The following ST6GALNAC3 variants were observed in gnomAD, a reference collection of about 807,000 sequenced individuals.
ST6GALNAC3 encodes ST6 N-acetylgalactosaminide alpha-2,6-sialyltransferase 3.
A neutral mutation model predicts 32.7 loss-of-function variants in ST6GALNAC3; 25 were observed. The ratio of observed to expected loss-of-function variants is 0.76; its 90% CI spans 0.56 to 1.07. ST6GALNAC3 has a LOEUF of 1.07. Among genes scored for constraint, ST6GALNAC3 ranks in the 50% least tolerant of loss-of-function variants. ST6GALNAC3 has a pLI of 0.00. For missense variants in ST6GALNAC3, 355 were observed against 382.4 expected (o/e 0.93, Z 0.60); for synonymous variants, 129 against 133.1 (o/e 0.97, Z 0.21).
At position 76,633,748 on chromosome 1, in the gene ST6GALNAC3, A is replaced by G. The variant is rs1649409259; in HGVS notation, c.*4942A>G. Reference sequence around the variant, plus strand: ...AGCCCAGATACCCTTCTAGAAGGTGAATGAAAGCCCCACATGTCCCGCAAG... The same window carrying G: ...AGCCCAGATACCCTTCTAGAAGGTGGATGAAAGCCCCACATGTCCCGCAAG... On this transcript the variant is annotated 3_prime_UTR_variant, in exon 5 of 5. Transcript: ENST00000328299. The G allele has an allele frequency of 6.6e-6, 1 of 152,188 alleles. No homozygotes were observed. Among genetic ancestry groups the G allele is most frequent in the African/African-American group, 2.4e-5 (1 of 41,432 alleles). 9.4% of individuals were successfully genotyped at this position (152,188 alleles called of 1,614,324 possible).
intron 3 of ST6GALNAC3, among the ~76,000 whole-genome samples, chr1:76,469,185 G>A (rs922071697): frequency 6.6e-6 from 1 of 152,046 alleles, no homozygotes; most frequent in Non-Finnish European, 1.5e-5. Context: ...ACACAAGACT[G>A]TTGTTGAAAG....
chr1:76,123,978 T>A (rs753036403), intron 1 of ST6GALNAC3, among the ~76,000 whole-genome samples: 1 of 152,090 alleles, frequency 6.6e-6, no homozygotes, highest in Non-Finnish European at 1.5e-5. Flanking sequence ...CTCCAACTCT[T>A]GACCTCAAGT....
At chr1:76,281,271 C>G (rs1659485509) in intron 1 of ST6GALNAC3, among the ~76,000 whole-genome samples, 2 of 152,042 alleles carry the variant, frequency 1.3e-5, no homozygotes, top group Admixed American at 1.3e-4. Flanking sequence ...CTTAGAAGGC[C>G]TGAGGAAAAA....
chr1:76,312,136 C>A (rs146699247), intron 1 of ST6GALNAC3, among the ~76,000 whole-genome samples: 1 of 149,940 alleles, frequency 6.7e-6, no homozygotes, highest in East Asian at 2.0e-4. Flanking sequence ...ACATCTACAA[C>A]CATCTGACCT....
At chr1:76,557,013 A>C (rs1281572197) in intron 3 of ST6GALNAC3, among the ~76,000 whole-genome samples, 2 of 152,018 alleles carry the variant, frequency 1.3e-5, no homozygotes, top group Admixed American at 6.6e-5. Flanking sequence ...TCTTATGCTT[A>C]GGTCTATTAT....
In ST6GALNAC3 at chr1:76,628,898, T is replaced by G. The variant is rs1213361023; in HGVS notation, c.*92T>G. The G allele has an allele frequency of 6.4e-7, 1 of 1,562,000 alleles. No homozygotes were observed. ...ATGCTAATGGAGATGATGGTAATGA[T>G]AAAGACAACAACAATGATTATCAAG... On this transcript the variant is annotated 3_prime_UTR_variant, in exon 5 of 5. Transcript: ENST00000328299.
chr1:76,521,962 G>A (rs897706364), intron 3 of ST6GALNAC3, among the ~76,000 whole-genome samples: 5 of 151,848 alleles, frequency 3.3e-5, no homozygotes, highest in African/African-American at 7.3e-5. Context: ...CCAGCTACTC[G>A]GGAGGCTGAG....
intron 1 of ST6GALNAC3, among the ~76,000 whole-genome samples, chr1:76,107,809 C>A (rs747446455): frequency 6.6e-6 from 1 of 152,132 alleles, no homozygotes; most frequent in Non-Finnish European, 1.5e-5. Flanking sequence ...TTTTTTCTGT[C>A]CTCTCCCTCT....
downstream of ST6GALNAC3, among the ~76,000 whole-genome samples, chr1:76,635,041 TTGG>T (rs1428347258): frequency 1.3e-5 from 2 of 152,222 alleles, no homozygotes; most frequent in East Asian, 3.9e-4. Flanking sequence ...AGAGAAAATG[TTGG>T]TCTGCCTCTG....
rs1034666246 is a variant in ST6GALNAC3, at chr1:76,509,054, A to AT, written c.623+96642dup. Among the ~76,000 whole-genome samples, 2 of 152,158 alleles carry AT rather than the reference A, an allele frequency of 1.3e-5. No homozygotes were observed. The highest frequency in any genetic ancestry group is 4.8e-5 in the African/African-American group (2 of 41,436). On this transcript the variant is annotated intron_variant, in intron 3 of 4. Transcript: ENST00000328299. This position sits in a 1 kb window ranked among gnomAD's most constrained non-coding sequence, Gnocchi z 5.5. ...GAGTCTAAGAGTTGAACAGCTTGTC[A>AT]TTTTTCAACTCGTCGATAAATGGGA...
intron 3 of ST6GALNAC3, among the ~76,000 whole-genome samples, chr1:76,591,296 C>G (rs2100586225): frequency 6.6e-6 from 1 of 152,098 alleles, no homozygotes; most frequent in South Asian, 2.1e-4. Context: ...AATTCACCAC[C>G]CTGAGGCAAC....
At chr1:76,281,661 C>G (rs1005362506) in intron 1 of ST6GALNAC3, among the ~76,000 whole-genome samples, 1 of 152,204 alleles carries the variant, frequency 6.6e-6, no homozygotes, top group Non-Finnish European at 1.5e-5. Context: ...ATAATGACTA[C>G]AAACTGGCTG....
intron 2 of ST6GALNAC3, among the ~76,000 whole-genome samples, chr1:76,318,192 A>T (rs1394388094): frequency 1.3e-5 from 2 of 152,152 alleles, no homozygotes; most frequent in Non-Finnish European, 2.9e-5. Flanking sequence ...GATCCATAAA[A>T]AAGAGCATGT....
intron 1 of ST6GALNAC3, among the ~76,000 whole-genome samples, chr1:76,177,787 T>C (rs1281053064): frequency 1.3e-5 from 2 of 152,216 alleles, no homozygotes; most frequent in Non-Finnish European, 2.9e-5. Flanking sequence ...TGATGGTTAA[T>C]ATAGTCTCTG....
At chr1:76,182,323 A>G (rs1653235036) in intron 1 of ST6GALNAC3, among the ~76,000 whole-genome samples, 2 of 152,218 alleles carry the variant, frequency 1.3e-5, no homozygotes, top group African/African-American at 4.8e-5. Context: ...AGAAGTAACA[A>G]GGCCATTTTT....
At chr1:76,458,769 G>C (rs1015220431) in intron 3 of ST6GALNAC3, among the ~76,000 whole-genome samples, 1 of 151,092 alleles carries the variant, frequency 6.6e-6, no homozygotes, top group Admixed American at 6.6e-5. Context: ...AGCATTGGGA[G>C]ATATACCTAA....
chr1:76,089,884 T>C (rs1647020502), intron 1 of ST6GALNAC3, among the ~76,000 whole-genome samples: 1 of 152,172 alleles, frequency 6.6e-6, no homozygotes, highest in Admixed American at 6.5e-5. Flanking sequence ...CTAATCATCT[T>C]ACCTTATGTG....
chr1:76,103,650 A>G (rs1257021883), intron 1 of ST6GALNAC3, among the ~76,000 whole-genome samples: 1 of 152,192 alleles, frequency 6.6e-6, no homozygotes, highest in African/African-American at 2.4e-5. Context: ...AGGTCAAGGT[A>G]TCAGCAGCCA....
chr1:76,234,431 G>C (rs1477958460), intron 1 of ST6GALNAC3, among the ~76,000 whole-genome samples: 1 of 152,208 alleles, frequency 6.6e-6, no homozygotes, highest in East Asian at 1.9e-4. Flanking sequence ...GTCTTTTCCA[G>C]TGGGACTTCA....
Sources: gnomAD v4.1 joint callset for allele counts (sites outside exome capture counted in the v4.1 genomes callset) on GRCh38, gnomAD v4.1.1 for gene constraint, Gnocchi (gnomAD v3.1) non-coding constraint, MANE v1.5 for transcripts, NCBI Gene and HGNC (gene_info 2026-07-23, HGNC 2026-07-21) for gene names.